FILIP1L: variants seen among roughly 807,000 people sequenced by gnomAD.
FILIP1L encodes the protein filamin A-interacting protein 1-like.
FILIP1L carries 55 observed loss-of-function variants against 96.6 expected under a neutral mutation model. That is an observed-to-expected ratio of 0.57 (90% confidence interval 0.46 to 0.71). The LOEUF (loss-of-function observed/expected upper bound fraction) is 0.71. Ranked by LOEUF, FILIP1L falls within the 30% of genes least tolerant of loss-of-function variation. The pLI is 0.00. For missense variants in FILIP1L, 1,304 were observed against 1,321.2 expected (o/e 0.99, Z 0.20); for synonymous variants, 467 against 473.9 (o/e 0.99, Z 0.19).
chr3:99,954,308 G>C (rs1453361145), intron 1 of FILIP1L, among the ~76,000 whole-genome samples: 1 of 152,204 alleles, frequency 6.6e-6, no homozygotes, highest in Non-Finnish European at 1.5e-5. Flanking sequence ...CTGCTGCCAA[G>C]AGGGAGTATA....
chr3:99,980,140 T>G (rs986921290), intron 1 of FILIP1L, among the ~76,000 whole-genome samples: 2 of 152,138 alleles, frequency 1.3e-5, no homozygotes, highest in Non-Finnish European at 2.9e-5. Flanking sequence ...TAGTGAGACA[T>G]GCAGTAGTAC....
chr3:100,097,249 C>T (rs1461665940), intron 1 of FILIP1L, among the ~76,000 whole-genome samples: 1 of 152,178 alleles, frequency 6.6e-6, no homozygotes, highest in African/African-American at 2.4e-5. Flanking sequence ...ACCAACCATC[C>T]CATCCGTGGA....
intron 1 of FILIP1L, among the ~76,000 whole-genome samples, chr3:99,950,743 T>C (rs1427071314): frequency 1.3e-5 from 2 of 152,220 alleles, no homozygotes; most frequent in South Asian, 4.1e-4. Context: ...GTTAAATTCT[T>C]TGTTATGTTT....
intron 1 of FILIP1L, among the ~76,000 whole-genome samples, chr3:100,021,677 A>G (rs1306214614): frequency 6.6e-6 from 1 of 152,142 alleles, no homozygotes; most frequent in Admixed American, 6.6e-5. Flanking sequence ...TTGGTTGCTT[A>G]TATTTTTAAA....
At chr3:99,846,356 G>C (rs1041273530) in intron 5 of FILIP1L, among the ~76,000 whole-genome samples, 2 of 152,112 alleles carry the variant, frequency 1.3e-5, no homozygotes, top group African/African-American at 4.8e-5. Context: ...TCAGTTGATC[G>C]ATGCCTTCCA....
At chr3:99,869,226 A>G (rs793503) in intron 4 of FILIP1L, among the ~76,000 whole-genome samples, 44,203 of 152,046 alleles carry the variant, frequency 0.29, 6,766 homozygotes, top group Admixed American at 0.35. Context: ...CCAGATGGGG[A>G]AAATTGGCCA....
At chr3:100,095,609 A>G (rs1461526827) in intron 1 of FILIP1L, among the ~76,000 whole-genome samples, 1 of 152,170 alleles carries the variant, frequency 6.6e-6, no homozygotes, top group African/African-American at 2.4e-5. Flanking sequence ...GCCTAATACA[A>G]AAATTAAACC....
intron 5 of FILIP1L, among the ~76,000 whole-genome samples, chr3:99,841,480 G>T (rs920320371): frequency 6.6e-6 from 1 of 152,148 alleles, no homozygotes; most frequent in Non-Finnish European, 1.5e-5. Context: ...GTATTAGCTT[G>T]TAACCACCAC....
chr3:99,971,545 A>T (rs1161336645), intron 1 of FILIP1L, among the ~76,000 whole-genome samples: 2 of 152,200 alleles, frequency 1.3e-5, no homozygotes, highest in African/African-American at 4.8e-5. Context: ...AGTATTGCTT[A>T]ACCTCTCTAA....
chr3:99,864,300 G>A (rs984641173), intron 4 of FILIP1L, among the ~76,000 whole-genome samples: 2 of 152,094 alleles, frequency 1.3e-5, no homozygotes, highest in African/African-American at 4.8e-5. Flanking sequence ...TGGTACTAGA[G>A]TGTGAGACTT....
chr3:99,911,311 T>TTATATATTATATAA (rs1258537048), intron 4 of FILIP1L, among the ~76,000 whole-genome samples: 3 of 148,616 alleles, frequency 2.0e-5, no homozygotes, highest in African/African-American at 7.3e-5. Flanking sequence ...GTTTTTGTTA[T>TTATATATTATATAA]TATATATTAT....
chr3:99,941,152 T>A (rs984735648), intron 1 of FILIP1L, among the ~76,000 whole-genome samples: 1 of 152,228 alleles, frequency 6.6e-6, no homozygotes, highest in African/African-American at 2.4e-5. Flanking sequence ...CTTCTGTTTT[T>A]GCCAAATAAT....
At chr3:99,937,214 A>G (rs537297448) in intron 1 of FILIP1L, among the ~76,000 whole-genome samples, 22 of 152,320 alleles carry the variant, frequency 1.4e-4, no homozygotes, top group Admixed American at 8.5e-4. Flanking sequence ...CTGGGATTAC[A>G]GGTATGAGCC....
chr3:99,917,505 C>CT (rs1242397469), intron 4 of FILIP1L, among the ~76,000 whole-genome samples: 3 of 152,004 alleles, frequency 2.0e-5, no homozygotes, highest in African/African-American at 7.2e-5. Context: ...GATTTGGTGA[C>CT]TTTTTTTTAT....
intron 4 of FILIP1L, among the ~76,000 whole-genome samples, chr3:99,858,807 T>C (rs2107548573): frequency 6.6e-6 from 1 of 152,348 alleles, no homozygotes; most frequent in East Asian, 1.9e-4. Flanking sequence ...TAAGAACCAT[T>C]ACTCCAGAGG....
At chr3:99,957,463 T>C (rs76578967) in intron 1 of FILIP1L, among the ~76,000 whole-genome samples, 1 of 151,922 alleles carries the variant, frequency 6.6e-6, no homozygotes, top group Non-Finnish European at 1.5e-5. Context: ...TATATATATA[T>C]AGAGAGAGAG....
intron 1 of FILIP1L, among the ~76,000 whole-genome samples, chr3:99,938,149 A>G (rs1707748559): frequency 1.3e-5 from 2 of 152,068 alleles, no homozygotes; most frequent in Admixed American, 1.3e-4. Context: ...ACTTACTGGA[A>G]ATCTCCATTT....
chr3:99,974,665 C>G (rs1246068632), intron 1 of FILIP1L, among the ~76,000 whole-genome samples: 1 of 152,082 alleles, frequency 6.6e-6, no homozygotes, highest in Non-Finnish European at 1.5e-5. Context: ...CAAGGTCATG[C>G]CATTGCACTC....
Position 99,910,633 on chromosome 3 carries a change from C to G in FILIP1L, c.605+13597G>C, listed in dbSNP as rs1706758694. ...CCTTAGGCTGAAAAAAAGTAATACG[C>G]TATAATTCTAACTATTATCTCCATA... is the stretch of plus-strand genomic sequence containing the variant. On this transcript the variant is annotated intron_variant, in intron 4 of 5. Coordinates refer to ENST00000477258, the MANE Select transcript of FILIP1L (RefSeq NM_001387850.1). Among the ~76,000 whole-genome samples the G allele has an allele frequency of 1.5e-5, 2 of 136,234 alleles. 1 individual carries two copies. The highest frequency in any genetic ancestry group is 5.0e-4 in the South Asian group (2 of 3,976). The allele number at this position is 136,234 out of a possible 152,430, so 89.4% of individuals were successfully genotyped here.
Sources: allele counts gnomAD v4.1 joint callset (sites outside exome capture counted in the v4.1 genomes callset), GRCh38; gene constraint gnomAD v4.1.1; transcripts MANE v1.5; gene names NCBI Gene and HGNC (gene_info 2026-07-23, HGNC 2026-07-21).